Variants in NUDT21 observed in about 807,000 individuals in gnomAD.
NUDT21 encodes cleavage and polyadenylation specificity factor subunit 5.
NUDT21 carries 5 observed loss-of-function variants against 29.8 expected under a neutral mutation model. The observed-to-expected ratio is 0.17, with a 90% CI of 0.09 to 0.35. The LOEUF (loss-of-function observed/expected upper bound fraction) is 0.35, where lower values mean the gene tolerates loss of function less well. Among genes scored for constraint, NUDT21 ranks in the 10% least tolerant of loss-of-function variants. The probability of loss-of-function intolerance (pLI) is 1.00; values close to 1 mark genes in which losing one functional copy is unlikely to be tolerated. For synonymous variants in NUDT21, 113 were observed against 98.5 expected, an observed-to-expected ratio of 1.15 and a Z score of -0.87; for missense variants, 76 against 276.0, an observed-to-expected ratio of 0.28 and a Z score of 5.13.
chr16:56,445,741 G>A (rs1962211328), intron 3 of NUDT21, among the ~76,000 whole-genome samples: 1 of 152,088 alleles, frequency 6.6e-6, no homozygotes, highest in East Asian at 1.9e-4. Flanking sequence ...TTGCCCATCT[G>A]TTTTCCAGTT....
Position 56,451,320 on chromosome 16 carries a change from A to G in NUDT21, c.-118T>C, listed in dbSNP as rs1962315314. On this transcript the variant is annotated 5_prime_UTR_variant, in exon 1 of 7. Coordinates refer to ENST00000300291, the MANE Select transcript of NUDT21 (RefSeq NM_007006.3). ...GGCTACTGCCCGCCATTAACAGGAC[A>G]GCGCAAGAGGAGGCGTAGGCACGCC... 8.3e-6 allele frequency: 7 copies of G among 847,578 alleles called. No homozygotes were observed. The Admixed American group carries it at 1.8e-4, about 21-fold the overall frequency. The allele number at this position is 847,578 out of a possible 1,614,324, so 52.5% of individuals were successfully genotyped here. A position where few individuals can be genotyped will look rare whatever the true frequency, so the allele number is the denominator to read the frequency against.
Position 56,451,170 on chromosome 16 carries a change from G to C in NUDT21, c.33C>G (p.Thr11=). MSVVPPNRSQ[T]GWPRGVTQFG... ...ACTGAGTGACCCCCCGGGGCCAGCCGGTCTGCGAGCGATTGGGCGGTACCA... is the reference window on the plus strand; with the variant it reads ...ACTGAGTGACCCCCCGGGGCCAGCCCGTCTGCGAGCGATTGGGCGGTACCA... The change falls in exon 1 of 7, where the codon ACC becomes ACG. Residue 11 remains threonine (T), a synonymous_variant. Coordinates refer to ENST00000300291, the MANE Select transcript of NUDT21 (RefSeq NM_007006.3). The C allele has an allele frequency of 6.2e-7, 1 of 1,612,448 alleles. No individual in the cohort carries two copies. Among genetic ancestry groups the C allele is most frequent in the Middle Eastern group, 1.7e-4 (1 of 6,048 alleles).
At chr16:56,434,130 G>A (rs1451235466) in intron 6 of NUDT21, among the ~76,000 whole-genome samples, 1 of 152,182 alleles carries the variant, frequency 6.6e-6, no homozygotes, top group Non-Finnish European at 1.5e-5. Flanking sequence ...ACAAATACCA[G>A]AATGTCATGC....
chr16:56,437,541 T>A (rs1173618170), intron 4 of NUDT21, among the ~76,000 whole-genome samples: 2 of 152,228 alleles, frequency 1.3e-5, no homozygotes, highest in Admixed American at 1.3e-4. Context: ...GAGGGTTCCC[T>A]GTTTGCTGCC....
At chr16:56,436,947 T>C (rs1225340800) in intron 4 of NUDT21, among the ~76,000 whole-genome samples, 1 of 152,178 alleles carries the variant, frequency 6.6e-6, no homozygotes. Flanking sequence ...TTCAGAAAAG[T>C]TATCTGGAAA....
chr16:56,439,400 T>G, intron 4 of NUDT21: 1 of 386,320 alleles, frequency 2.6e-6, no homozygotes, highest in Non-Finnish European at 4.8e-6. Flanking sequence ...CTCAAACTCC[T>G]GACCTCAACA....
In NUDT21 at chr16:56,430,960, T is replaced by C. The variant is rs549288410; in HGVS notation, c.*1752A>G. 2 of 152,366 alleles carry C rather than the reference T, an allele frequency of 1.3e-5. No homozygotes were observed. Among genetic ancestry groups the C allele is most frequent in the African/African-American group, 4.8e-5 (2 of 41,588 alleles). 9.4% of individuals were successfully genotyped at this position (152,366 alleles called of 1,614,324 possible). A position where few individuals can be genotyped will look rare whatever the true frequency, so the allele number is the denominator to read the frequency against. Reference sequence around the variant, plus strand: ...AGAACATGAGTGGCCTCGAATCAGATGACTCTTCAACTCAAACACTCCTTA... The same window carrying C: ...AGAACATGAGTGGCCTCGAATCAGACGACTCTTCAACTCAAACACTCCTTA... On this transcript the variant is annotated 3_prime_UTR_variant, in exon 7 of 7. Transcript: ENST00000300291.
At position 56,429,313 on chromosome 16, in the gene NUDT21, TATG is replaced by T. The variant is rs1962005676; in HGVS notation, c.*3396_*3398del. On this transcript the variant is annotated 3_prime_UTR_variant, in exon 7 of 7. Transcript: ENST00000300291. The stretch of plus-strand genomic sequence containing the variant: ...CAAACTATAAATGATGCTTGAATAC[TATG>T]ATGTGAACACAATAACCAAAAGTTT... 1 of 152,260 alleles carries T rather than the reference TATG, an allele frequency of 6.6e-6. No homozygotes were observed. Among genetic ancestry groups the T allele is most frequent in the African/African-American group, 2.4e-5 (1 of 41,470 alleles). 9.4% of individuals were successfully genotyped at this position (152,260 alleles called of 1,614,324 possible).
intron 2 of NUDT21, 96 bp downstream of exon 2, chr16:56,447,693 G>T: frequency 9.3e-7 from 1 of 1,072,642 alleles, no homozygotes; most frequent in Non-Finnish European, 1.4e-6. Context: ...AGTGTTTGTT[G>T]AAATGAATGA....
rs1179613153 is a variant in NUDT21, at chr16:56,429,332, C to T, written c.*3380G>A. On this transcript the variant is annotated 3_prime_UTR_variant, in exon 7 of 7. Coordinates refer to ENST00000300291, the MANE Select transcript of NUDT21 (RefSeq NM_007006.3). Reference sequence around the variant, plus strand: ...GAATACTATGATGTGAACACAATAACCAAAAGTTTAAATTTCTAAATACAT... The same window carrying T: ...GAATACTATGATGTGAACACAATAATCAAAAGTTTAAATTTCTAAATACAT... 1 of 152,092 alleles carries T rather than the reference C, an allele frequency of 6.6e-6. No homozygotes were observed. The highest frequency in any genetic ancestry group is 1.5e-5 in the Non-Finnish European group (1 of 68,010). 9.4% of individuals were successfully genotyped at this position (152,092 alleles called of 1,614,324 possible). A position where few individuals can be genotyped will look rare whatever the true frequency, so the allele number is the denominator to read the frequency against.
At position 56,430,168 on chromosome 16, in the gene NUDT21, C is replaced by G. The variant is rs1163484689; in HGVS notation, c.*2544G>C. On this transcript the variant is annotated 3_prime_UTR_variant, in exon 7 of 7. Transcript: ENST00000300291. Reference sequence around the variant, plus strand: ...AAATGTGCTGTTAACAGTACAAATTCAAGTGCAGAATTATTACGCCATTTT... The same window carrying G: ...AAATGTGCTGTTAACAGTACAAATTGAAGTGCAGAATTATTACGCCATTTT... The G allele has an allele frequency of 6.6e-6, 1 of 152,172 alleles. No individual in the cohort carries two copies. The highest frequency in any genetic ancestry group is 1.5e-5 in the Non-Finnish European group (1 of 68,016). The allele number at this position is 152,172 out of a possible 1,614,324, so 9.4% of individuals were successfully genotyped here.
intron 3 of NUDT21, among the ~76,000 whole-genome samples, chr16:56,443,220 A>G (rs1345401579): frequency 2.0e-5 from 3 of 150,622 alleles, no homozygotes; most frequent in African/African-American, 7.4e-5. Flanking sequence ...TCTGTTGCCC[A>G]GGCTGGCGTG....
At chr16:56,447,731 T>C (rs1352697550) in intron 2 of NUDT21, 58 bp downstream of exon 2, 21 of 1,468,940 alleles carry the variant, frequency 1.4e-5, no homozygotes, top group Non-Finnish European at 1.7e-5. Flanking sequence ...ATTCCAGAGC[T>C]GCATAAACAG....
intron 3 of NUDT21, among the ~76,000 whole-genome samples, chr16:56,440,557 A>G (rs1212284946): frequency 1.3e-5 from 2 of 152,192 alleles, no homozygotes; most frequent in Non-Finnish European, 2.9e-5. Context: ...ATACTGGTCA[A>G]GTATTTTGTA....
At chr16:56,447,552 T>A in intron 2 of NUDT21, 1 of 495,280 alleles carries the variant, frequency 2.0e-6, no homozygotes, top group Admixed American at 3.4e-5. Flanking sequence ...TCCATGGGGT[T>A]TCTACCAAGC....
chr16:56,448,017 T>A (rs764195591), intron 1 of NUDT21, 28 bp from the exon 2 acceptor site: 2 of 1,582,828 alleles, frequency 1.3e-6, no homozygotes, highest in Non-Finnish European at 1.7e-6. Flanking sequence ...ACATCTAACA[T>A]GAGAACTGAA....
At chr16:56,439,863 T>C in intron 3 of NUDT21, 117 bp from the exon 4 acceptor site, 1 of 776,326 alleles carries the variant, frequency 1.3e-6, no homozygotes, top group Admixed American at 1.9e-5. Context: ...ATAATATGCC[T>C]TCCATACAGA....
chr16:56,446,434 T>C (rs1261309775), intron 3 of NUDT21, 192 bp downstream of exon 3: 1 of 509,426 alleles, frequency 2.0e-6, no homozygotes, highest in Admixed American at 3.8e-5. Context: ...GTGACACAGT[T>C]TAACATTTTA....
rs1293346848 is a variant in NUDT21 at position 56,431,282 on chromosome 16, T to C, written c.*1430A>G. 3 of 152,176 alleles carry C rather than the reference T, an allele frequency of 2.0e-5. No homozygotes were observed. Among genetic ancestry groups the C allele is most frequent in the Admixed American group, 2.0e-4 (3 of 15,290 alleles). The allele number at this position is 152,176 out of a possible 1,614,324, so 9.4% of individuals were successfully genotyped here. A position where few individuals can be genotyped will look rare whatever the true frequency, so the allele number is the denominator to read the frequency against. The stretch of plus-strand genomic sequence containing the variant: ...GGAAAAGGACAATTCACAGAACTAG[T>C]GGCTTTTTCAAAGGAAACTGGGGCA... On this transcript the variant is annotated 3_prime_UTR_variant, in exon 7 of 7. Transcript: ENST00000300291.
Sources: gnomAD v4.1 joint callset for allele counts (sites outside exome capture counted in the v4.1 genomes callset) on GRCh38, gnomAD v4.1.1 for gene constraint, MANE v1.5 for transcripts, NCBI Gene and HGNC (gene_info 2026-07-23, HGNC 2026-07-21) for gene names.